JARID2: variants seen among roughly 807,000 people sequenced by gnomAD.
The protein encoded by JARID2 is protein Jumonji.
A neutral mutation model predicts 125.6 loss-of-function variants in JARID2; 21 were observed. That is an observed-to-expected ratio of 0.17 (90% CI 0.12 to 0.24). JARID2 has a LOEUF of 0.24. Among genes scored for constraint, JARID2 ranks in the 10% least tolerant of loss-of-function variants. JARID2 has a pLI of 1.00. For missense variants in JARID2, 1,303 were observed against 1,639.6 expected (o/e 0.79, Z 3.55); for synonymous variants, 736 against 661.6 (o/e 1.11, Z -1.73).
At chr6:15,452,243 G>A in intron 4 of JARID2, 68 bp downstream of exon 4, 1 of 1,574,546 alleles carries the variant, frequency 6.4e-7, no homozygotes, top group Non-Finnish European at 8.6e-7. Flanking sequence ...TCTACGTGGA[G>A]TAACCTTAGC....
Position 15,262,750 on chromosome 6 carries a change from C to G in JARID2, c.45+16166C>G, listed in dbSNP as rs376386190. ...ACGGGGTTTCACCACGATGGCCAGG[C>G]TAGTCTTGAACTCATGATCCACCCG... On this transcript the variant is annotated intron_variant, in intron 1 of 17. Coordinates refer to ENST00000341776, the MANE Select transcript of JARID2 (RefSeq NM_004973.4). 4.9e-3 allele frequency among the ~76,000 whole-genome samples: 752 copies of G among 152,058 alleles called. 8 individuals are homozygous for G. The highest frequency in any genetic ancestry group is 0.017 in the African/African-American group (699 of 41,444).
At chr6:15,294,704 G>A (rs1230783706) in intron 1 of JARID2, among the ~76,000 whole-genome samples, 1 of 152,172 alleles carries the variant, frequency 6.6e-6, no homozygotes, top group Non-Finnish European at 1.5e-5. Flanking sequence ...GCTCTGTCGG[G>A]AGTCAAGAAC....
intron 2 of JARID2, among the ~76,000 whole-genome samples, chr6:15,388,803 C>G (rs1290744411): frequency 6.6e-6 from 1 of 152,066 alleles, no homozygotes; most frequent in Non-Finnish European, 1.5e-5. Flanking sequence ...TCTCCCTGAC[C>G]TGTTACTAGT....
chr6:15,519,429 A>G (rs1771724097), intron 17 of JARID2, among the ~76,000 whole-genome samples: 2 of 151,890 alleles, frequency 1.3e-5, no homozygotes, highest in Non-Finnish European at 2.9e-5. Flanking sequence ...GTTTCATTCC[A>G]TGGCTGGCTT....
chr6:15,430,589 T>C (rs1414156686), intron 3 of JARID2, among the ~76,000 whole-genome samples: 3 of 152,204 alleles, frequency 2.0e-5, no homozygotes, highest in Non-Finnish European at 4.4e-5. Context: ...TTTTCTAATA[T>C]GATTTAAAAA....
At chr6:15,504,036 G>A (rs1195287075) in intron 8 of JARID2, among the ~76,000 whole-genome samples, 1 of 127,642 alleles carries the variant, frequency 7.8e-6, no homozygotes, top group African/African-American at 2.9e-5. Context: ...GGGTGTAGAT[G>A]TCGCACCAGT....
chr6:15,378,198 A>T (rs1357849413), intron 2 of JARID2, among the ~76,000 whole-genome samples: 5 of 140,998 alleles, frequency 3.5e-5, no homozygotes, highest in Admixed American at 3.5e-4. Context: ...TCAATTTTTA[A>T]TTTTTTTTTT....
chr6:15,440,603 A>G (rs1426567924), intron 3 of JARID2, among the ~76,000 whole-genome samples: 2 of 152,206 alleles, frequency 1.3e-5, no homozygotes, highest in Non-Finnish European at 2.9e-5. Flanking sequence ...CCTGTTGCCC[A>G]CTTTCCATTG....
At chr6:15,398,849 A>C (rs1052678425) in intron 2 of JARID2, among the ~76,000 whole-genome samples, 9 of 152,210 alleles carry the variant, frequency 5.9e-5, no homozygotes, top group Middle Eastern at 3.4e-3. Flanking sequence ...CACTAATCAT[A>C]CGTGATTCTG....
intron 2 of JARID2, among the ~76,000 whole-genome samples, chr6:15,378,206 T>TAA (rs1764443664): frequency 6.6e-6 from 1 of 151,992 alleles, no homozygotes; most frequent in East Asian, 1.9e-4. Context: ...TAATTTTTTT[T>TAA]TTTTTTTTGG....
intron 3 of JARID2, among the ~76,000 whole-genome samples, chr6:15,451,455 A>G (rs562944169): frequency 7.9e-5 from 12 of 152,154 alleles, no homozygotes; most frequent in Non-Finnish European, 1.8e-4. Flanking sequence ...TGTAGTACAA[A>G]CTTGAATTGT....
chr6:15,469,223 G>A (rs1012439695), intron 5 of JARID2, among the ~76,000 whole-genome samples: 5 of 151,262 alleles, frequency 3.3e-5, no homozygotes, highest in South Asian at 2.1e-4. Context: ...CTCATCTTAT[G>A]TGGATAAGTT....
chr6:15,491,147 A>T (rs1474340922), intron 6 of JARID2, among the ~76,000 whole-genome samples: 3 of 152,242 alleles, frequency 2.0e-5, no homozygotes, highest in Non-Finnish European at 4.4e-5. Context: ...ATAGAAAATC[A>T]TATTAGTTTT....
chr6:15,465,826 C>G (rs904928716), intron 4 of JARID2, among the ~76,000 whole-genome samples: 1 of 150,142 alleles, frequency 6.7e-6, no homozygotes, highest in Non-Finnish European at 1.5e-5. Context: ...TTTTTTGAGA[C>G]GGAGTCTTGT....
At chr6:15,248,804 G>C in intron 1 of JARID2, 1 of 549,224 alleles carries the variant, frequency 1.8e-6, no homozygotes, top group Non-Finnish European at 2.3e-6. Flanking sequence ...GACGTCAAAA[G>C]TCGGGCGGGA....
At chr6:15,283,766 C>T (rs1285557242) in intron 1 of JARID2, among the ~76,000 whole-genome samples, 5 of 144,474 alleles carry the variant, frequency 3.5e-5, no homozygotes, top group Admixed American at 1.4e-4. Flanking sequence ...AGTGCAGTAG[C>T]GCGATCACGG....
At chr6:15,299,594 C>T (rs1315206337) in intron 1 of JARID2, among the ~76,000 whole-genome samples, 2 of 152,182 alleles carry the variant, frequency 1.3e-5, no homozygotes, top group East Asian at 1.9e-4. Flanking sequence ...GTTTCCTGCT[C>T]AGTTAGGCCA....
At chr6:15,462,883 T>C (rs570209804) in intron 4 of JARID2, among the ~76,000 whole-genome samples, 8 of 152,234 alleles carry the variant, frequency 5.3e-5, no homozygotes, top group Non-Finnish European at 1.2e-4. Flanking sequence ...AAAGCAAGCT[T>C]TTGGATTAAA....
intron 3 of JARID2, among the ~76,000 whole-genome samples, chr6:15,436,191 C>T (rs1229779286): frequency 1.3e-5 from 2 of 152,204 alleles, no homozygotes; most frequent in African/African-American, 2.4e-5. Flanking sequence ...AGAGGGATTT[C>T]TGTAACCCAT....
Sources: gnomAD v4.1 joint callset for allele counts (sites outside exome capture counted in the v4.1 genomes callset) on GRCh38, gnomAD v4.1.1 for gene constraint, MANE v1.5 for transcripts, NCBI Gene and HGNC (gene_info 2026-07-23, HGNC 2026-07-21) for gene names.